SMOC2: variants seen among roughly 807,000 people sequenced by gnomAD.
SMOC2 encodes the protein SPARC-related modular calcium-binding protein 2.
In SMOC2, 39 loss-of-function variants were observed where a neutral mutation model predicts 61.4. The observed-to-expected ratio is 0.64, with a 90% CI of 0.49 to 0.83. SMOC2 has a LOEUF of 0.83. Ranked by LOEUF, SMOC2 falls within the 40% of genes least tolerant of loss-of-function variation. SMOC2 has a pLI of 0.00. For missense variants in SMOC2, 556 were observed against 592.9 expected (o/e 0.94, Z 0.65); for synonymous variants, 247 against 239.9 (o/e 1.03, Z -0.27).
chr6:168,609,978 C>A (rs918014899), intron 9 of SMOC2, among the ~76,000 whole-genome samples: 1 of 152,148 alleles, frequency 6.6e-6, no homozygotes, highest in Non-Finnish European at 1.5e-5. Flanking sequence ...CAGGAGTGCA[C>A]GTGGCAGGAA....
intron 2 of SMOC2, among the ~76,000 whole-genome samples, chr6:168,518,617 ATGAC>A (rs202229899): frequency 1.3e-3 from 111 of 86,506 alleles, no homozygotes; most frequent in African/African-American, 2.8e-3. Flanking sequence ...GTGTGCATGT[ATGAC>A]TGAGTGCATG....
intron 9 of SMOC2, among the ~76,000 whole-genome samples, chr6:168,623,357 G>A (rs1202501083): frequency 1.5e-5 from 2 of 135,254 alleles, no homozygotes; most frequent in African/African-American, 5.6e-5. Flanking sequence ...TTGAGACAGA[G>A]TCTTGCTCTG....
chr6:168,569,722 G>A (rs1357928111), intron 7 of SMOC2, among the ~76,000 whole-genome samples: 3 of 152,216 alleles, frequency 2.0e-5, no homozygotes, highest in East Asian at 3.8e-4. Context: ...GGGATTACAG[G>A]TACGAGCCAC....
intron 9 of SMOC2, among the ~76,000 whole-genome samples, chr6:168,649,350 G>A (rs747409457): frequency 7.2e-5 from 11 of 152,126 alleles, no homozygotes; most frequent in Admixed American, 2.0e-4. Flanking sequence ...TCTAATGCCC[G>A]AGGTGCTCTC....
chr6:168,633,775 A>G (rs1786635133), intron 9 of SMOC2, among the ~76,000 whole-genome samples: 1 of 152,096 alleles, frequency 6.6e-6, no homozygotes, highest in Admixed American at 6.5e-5. Context: ...TAGAGAGAGT[A>G]TGTGGTTATG....
chr6:168,501,229 T>A (rs772454595), intron 1 of SMOC2, among the ~76,000 whole-genome samples: 1 of 152,188 alleles, frequency 6.6e-6, no homozygotes, highest in Non-Finnish European at 1.5e-5. Context: ...GAACAATGAA[T>A]AACCTGAGAG....
Position 168,441,216 on chromosome 6 carries a change from G to A in SMOC2, c.-155G>A. The A allele has an allele frequency of 1.7e-6, 2 of 1,189,918 alleles. No homozygotes were observed. Among genetic ancestry groups the A allele is most frequent in the Non-Finnish European group, 2.2e-6 (2 of 920,176 alleles). The allele number at this position is 1,189,918 out of a possible 1,614,324, so 73.7% of individuals were successfully genotyped here. ...AGGACCTCTGGGTGCCTGCAGGGGA[G>A]CTGCTCCAGCCGGGCCGCCGGGAGC... On this transcript the variant is annotated 5_prime_UTR_variant, in exon 1 of 13. Transcript: ENST00000356284.
intron 1 of SMOC2, among the ~76,000 whole-genome samples, chr6:168,461,212 T>C (rs1781712771): frequency 6.6e-6 from 1 of 152,176 alleles, no homozygotes; most frequent in Non-Finnish European, 1.5e-5. Flanking sequence ...CCATCAGATC[T>C]TGTGAGACGT....
intron 8 of SMOC2, among the ~76,000 whole-genome samples, chr6:168,605,672 T>G (rs1161506833): frequency 2.6e-5 from 4 of 152,204 alleles, no homozygotes; most frequent in Admixed American, 6.5e-5. Context: ...GCTTCCTGAT[T>G]GCTTCGAAGC....
rs558399379 is a variant in SMOC2 at position 168,491,194 on chromosome 6, G to A, written c.85-18721G>A. ...TGCTTCCATGCTCCTGAGTAATGCC[G>A]TGTTTTTGATCTTGGTCTTGTGGAA... On this transcript the variant is annotated intron_variant, in intron 1 of 12. Coordinates refer to ENST00000356284, the MANE Select transcript of SMOC2 (RefSeq NM_001166412.2). Among the ~76,000 whole-genome samples the A allele has an allele frequency of 4.6e-5, 7 of 152,176 alleles. No individual in the cohort carries two copies. The East Asian group carries it at 5.8e-4, about 13-fold the overall frequency.
chr6:168,477,033 G>A (rs1317746488), intron 1 of SMOC2, among the ~76,000 whole-genome samples: 5 of 152,164 alleles, frequency 3.3e-5, no homozygotes, highest in African/African-American at 1.2e-4. Flanking sequence ...ACCAAAGCTG[G>A]ACGAAATTAG....
At chr6:168,653,624 AACCAAAT>A (rs1176099737) in intron 11 of SMOC2, among the ~76,000 whole-genome samples, 1 of 136,160 alleles carries the variant, frequency 7.3e-6, no homozygotes, top group Non-Finnish European at 1.6e-5. Flanking sequence ...CCTGAGCTCC[AACCAAAT>A]GTTAGGAACT....
intron 2 of SMOC2, among the ~76,000 whole-genome samples, chr6:168,514,891 T>G (rs1046408288): frequency 1.3e-5 from 2 of 152,164 alleles, no homozygotes. Context: ...GGTTGGTCCA[T>G]CTCTCTGGGT....
chr6:168,550,686 C>T (rs1784111421), intron 7 of SMOC2, among the ~76,000 whole-genome samples: 1 of 152,128 alleles, frequency 6.6e-6, no homozygotes, highest in African/African-American at 2.4e-5. Flanking sequence ...GGGCAAACCC[C>T]AAGGGCCCCC....
At chr6:168,612,134 G>T (rs112468130) in intron 9 of SMOC2, among the ~76,000 whole-genome samples, 1 of 152,234 alleles carries the variant, frequency 6.6e-6, no homozygotes, top group African/African-American at 2.4e-5. Context: ...CCGCAGCACT[G>T]GTCTTGAATG....
intron 9 of SMOC2, among the ~76,000 whole-genome samples, chr6:168,634,924 A>T (rs1786672372): frequency 6.6e-6 from 1 of 152,186 alleles, no homozygotes; most frequent in African/African-American, 2.4e-5. Flanking sequence ...GCTATATTAT[A>T]TTTGGCTCAA....
intron 11 of SMOC2, chr6:168,655,359 C>T (rs917468503): frequency 6.6e-6 from 3 of 454,652 alleles, no homozygotes; most frequent in Non-Finnish European, 1.3e-5. Flanking sequence ...ATTGAAAATA[C>T]TTTTTTTTGT....
chr6:168,591,901 T>G (rs1033760107), intron 7 of SMOC2, among the ~76,000 whole-genome samples: 12 of 152,176 alleles, frequency 7.9e-5, no homozygotes, highest in African/African-American at 2.9e-4. Context: ...TCATTATTAC[T>G]TTTTTTCTGA....
At chr6:168,441,919 G>A (rs1262483590) in intron 1 of SMOC2, among the ~76,000 whole-genome samples, 1 of 152,134 alleles carries the variant, frequency 6.6e-6, no homozygotes, top group Non-Finnish European at 1.5e-5. Flanking sequence ...GACCCGCCGG[G>A]ACTGGGCGCC....
Sources: allele counts gnomAD v4.1 joint callset (sites outside exome capture counted in the v4.1 genomes callset), GRCh38; gene constraint gnomAD v4.1.1; transcripts MANE v1.5; gene names NCBI Gene and HGNC (gene_info 2026-07-23, HGNC 2026-07-21).